EPC2: variants seen among roughly 807,000 people sequenced by gnomAD.
EPC2 encodes the protein enhancer of polycomb homolog 2.
A neutral mutation model predicts 92.1 loss-of-function variants in EPC2; 14 were observed. The ratio of observed to expected loss-of-function variants is 0.15; its 90% CI spans 0.10 to 0.24. The LOEUF (loss-of-function observed/expected upper bound fraction) is 0.24. EPC2 is among the 10% of genes least tolerant of loss of function. The pLI, the probability that EPC2 is intolerant of heterozygous loss-of-function variation, is 1.00. For synonymous variants in EPC2, 340 were observed against 334.7 expected (o/e 1.02, Z -0.17); for missense variants, 755 against 971.5 (o/e 0.78, Z 2.96).
At position 148,663,432 on chromosome 2, in the gene EPC2, A is replaced by G. The variant is rs574826016; in HGVS notation, c.153+18262A>G. Reference sequence around the variant, plus strand: ...ACAGGGTTTCACCATGTTAGCCAGGATGGTCTCAATCTCCTGACCTCGTGA... The same window carrying G: ...ACAGGGTTTCACCATGTTAGCCAGGGTGGTCTCAATCTCCTGACCTCGTGA... On this transcript the variant is annotated intron_variant, in intron 1 of 13. Transcript: ENST00000258484. Among the ~76,000 whole-genome samples the G allele has an allele frequency of 2.2e-3, 325 of 151,028 alleles. 3 individuals carry two copies. The highest frequency in any genetic ancestry group is 6.8e-3 in the Middle Eastern group (2 of 294).
chr2:148,780,170 T>C (rs1426234462), intron 10 of EPC2, among the ~76,000 whole-genome samples: 1 of 152,192 alleles, frequency 6.6e-6, no homozygotes, highest in Non-Finnish European at 1.5e-5. Context: ...ACTTCAAAAA[T>C]ACAGGTAATA....
chr2:148,719,796 T>C (rs1024054730), intron 2 of EPC2, among the ~76,000 whole-genome samples: 1 of 152,240 alleles, frequency 6.6e-6, no homozygotes, highest in African/African-American at 2.4e-5. Flanking sequence ...TAGCCACCAT[T>C]TGATCTGGGC....
chr2:148,742,926 A>T (rs1682906328), intron 2 of EPC2, among the ~76,000 whole-genome samples: 1 of 152,058 alleles, frequency 6.6e-6, no homozygotes, highest in Non-Finnish European at 1.5e-5. Context: ...TTATTTATAT[A>T]GTACATCTTT....
At chr2:148,648,867 A>T (rs1446273912) in intron 1 of EPC2, among the ~76,000 whole-genome samples, 2 of 152,164 alleles carry the variant, frequency 1.3e-5, no homozygotes, top group African/African-American at 4.8e-5. Context: ...CTTCTTTTGG[A>T]CATCCAAACA....
intron 3 of EPC2, among the ~76,000 whole-genome samples, chr2:148,744,288 T>G (rs139463109): frequency 8.5e-4 from 129 of 152,236 alleles, no homozygotes; most frequent in African/African-American, 2.9e-3. Flanking sequence ...GCAGTGTAAG[T>G]CAGGAGCCTA....
chr2:148,727,590 T>A (rs1478198143), intron 2 of EPC2, among the ~76,000 whole-genome samples: 2 of 152,238 alleles, frequency 1.3e-5, no homozygotes, highest in African/African-American at 4.8e-5. Context: ...GTATATATAA[T>A]GTTATTTTAA....
chr2:148,677,746 C>T (rs556766079), intron 1 of EPC2, among the ~76,000 whole-genome samples: 42 of 152,082 alleles, frequency 2.8e-4, no homozygotes, highest in Non-Finnish European at 4.3e-4. Flanking sequence ...TTCGTGGTCT[C>T]GCTGGCTCAG....
At chr2:148,661,475 C>G (rs1488249134) in intron 1 of EPC2, among the ~76,000 whole-genome samples, 1 of 152,128 alleles carries the variant, frequency 6.6e-6, no homozygotes, top group Non-Finnish European at 1.5e-5. Flanking sequence ...TAGTTCACCT[C>G]TCCTTTTCCA....
chr2:148,715,276 G>T (rs1424960851), intron 2 of EPC2, among the ~76,000 whole-genome samples: 1 of 152,110 alleles, frequency 6.6e-6, no homozygotes, highest in Non-Finnish European at 1.5e-5. Context: ...CTTGTGGTCT[G>T]CCCACCTCGG....
At chr2:148,719,568 G>A (rs995089887) in intron 2 of EPC2, among the ~76,000 whole-genome samples, 5 of 152,232 alleles carry the variant, frequency 3.3e-5, no homozygotes, top group South Asian at 4.1e-4. Context: ...CACCAGTGAC[G>A]CCTGCAAAAC....
chr2:148,718,699 C>T (rs1408544343), intron 2 of EPC2, among the ~76,000 whole-genome samples: 1 of 152,096 alleles, frequency 6.6e-6, no homozygotes, highest in African/African-American at 2.4e-5. Flanking sequence ...CTTGGAGAAT[C>T]TGATGATTAT....
At chr2:148,710,089 A>G (rs927870645) in intron 2 of EPC2, among the ~76,000 whole-genome samples, 1 of 152,176 alleles carries the variant, frequency 6.6e-6, no homozygotes, top group African/African-American at 2.4e-5. Context: ...AATTTTTGCA[A>G]TCTACTCATC....
chr2:148,703,949 G>C (rs1681941017), intron 2 of EPC2, among the ~76,000 whole-genome samples: 1 of 152,208 alleles, frequency 6.6e-6, no homozygotes, highest in African/African-American at 2.4e-5. Flanking sequence ...CTTGTGGACT[G>C]TTGGGAATGT....
chr2:148,652,805 T>C (rs1483598249), intron 1 of EPC2, among the ~76,000 whole-genome samples: 1 of 152,224 alleles, frequency 6.6e-6, no homozygotes, highest in African/African-American at 2.4e-5. Context: ...CTATCTAATA[T>C]TAATTTTTCC....
At position 148,677,583 on chromosome 2, in the gene EPC2, G is replaced by A. The variant is rs1005256849; in HGVS notation, c.154-12631G>A. Among the ~76,000 whole-genome samples, 5 of 152,344 alleles carry A rather than the reference G, an allele frequency of 3.3e-5. 1 individual carries two copies. The highest frequency in any genetic ancestry group is 3.3e-4 in the Admixed American group (5 of 15,310). Reference sequence around the variant, plus strand: ...CCCAGCTACTTGAGAGGCTAAGGCAGTGTGTCCGGAATTGGTGGGTTCTTG... The same window carrying A: ...CCCAGCTACTTGAGAGGCTAAGGCAATGTGTCCGGAATTGGTGGGTTCTTG... On this transcript the variant is annotated intron_variant, in intron 1 of 13. Coordinates refer to ENST00000258484, the MANE Select transcript of EPC2 (RefSeq NM_015630.4).
intron 2 of EPC2, among the ~76,000 whole-genome samples, chr2:148,715,773 G>T (rs183275557): frequency 6.6e-6 from 1 of 152,270 alleles, no homozygotes; most frequent in Admixed American, 6.5e-5. Context: ...GTCAATGGTA[G>T]TTTAATGGGA....
chr2:148,708,815 C>G (rs1485694654), intron 2 of EPC2, among the ~76,000 whole-genome samples: 2 of 152,132 alleles, frequency 1.3e-5, no homozygotes, highest in Non-Finnish European at 2.9e-5. Flanking sequence ...TAAAAACTCT[C>G]AATAAACTAG....
chr2:148,742,426 G>C (rs934161053), intron 2 of EPC2, among the ~76,000 whole-genome samples: 9 of 152,106 alleles, frequency 5.9e-5, no homozygotes, highest in African/African-American at 1.7e-4. Context: ...TATCACTGAA[G>C]TTACACTTTT....
chr2:148,721,839 T>G (rs1682381262), intron 2 of EPC2, among the ~76,000 whole-genome samples: 1 of 149,972 alleles, frequency 6.7e-6, no homozygotes, highest in African/African-American at 2.4e-5. Context: ...GATGCATCTC[T>G]ATTATATTAA....
Sources: gnomAD v4.1 joint callset for allele counts (sites outside exome capture counted in the v4.1 genomes callset) on GRCh38, gnomAD v4.1.1 for gene constraint, MANE v1.5 for transcripts, NCBI Gene and HGNC (gene_info 2026-07-23, HGNC 2026-07-21) for gene names.